PRSS23: variants seen among roughly 807,000 people sequenced by gnomAD.
PRSS23 encodes serine protease 23, also known as protease, serine 23.
A neutral mutation model predicts 34.7 loss-of-function variants in PRSS23; 25 were observed. The observed-to-expected ratio is 0.72, with a 90% CI of 0.53 to 1.01. The LOEUF (loss-of-function observed/expected upper bound fraction) is 1.01. Ranked by LOEUF, PRSS23 falls within the 50% of genes least tolerant of loss-of-function variation. The pLI is 0.00. For missense variants in PRSS23, 445 were observed against 475.6 expected, an observed-to-expected ratio of 0.94 and a Z score of 0.60; for synonymous variants, 176 against 186.6, an observed-to-expected ratio of 0.94 and a Z score of 0.46.
intron 2 of PRSS23, among the ~76,000 whole-genome samples, chr11:86,914,334 T>C (rs374098248): frequency 6.6e-6 from 1 of 152,192 alleles, no homozygotes; most frequent in Non-Finnish European, 1.5e-5. Flanking sequence ...AAAACTCCCA[T>C]TGGATTTGCA....
At chr11:86,885,499 G>A (rs901977889) in intron 2 of PRSS23, among the ~76,000 whole-genome samples, 3 of 152,206 alleles carry the variant, frequency 2.0e-5, no homozygotes, top group Non-Finnish European at 2.9e-5. Context: ...ATTTGAATCA[G>A]TGGACTGTGA....
intron 1 of PRSS23, among the ~76,000 whole-genome samples, chr11:86,794,603 A>G (rs1023555192): frequency 1.3e-5 from 2 of 152,206 alleles, no homozygotes; most frequent in Non-Finnish European, 2.9e-5. Flanking sequence ...ACACCTTCAC[A>G]TATTTACATT....
intron 2 of PRSS23, chr11:86,950,860 G>A (rs1288189092): frequency 1.2e-5 from 6 of 488,902 alleles, no homozygotes; most frequent in Non-Finnish European, 3.7e-6. Flanking sequence ...GGACCTCCAC[G>A]CTCCAAGCTG....
chr11:86,944,858 T>C (rs958406940), intron 2 of PRSS23, among the ~76,000 whole-genome samples: 3 of 152,228 alleles, frequency 2.0e-5, no homozygotes, highest in Non-Finnish European at 4.4e-5. Flanking sequence ...AGAGTAGTAC[T>C]GCAGATCCTT....
At chr11:86,885,752 TC>T (rs1279715568) in intron 2 of PRSS23, among the ~76,000 whole-genome samples, 1 of 152,206 alleles carries the variant, frequency 6.6e-6, no homozygotes, top group African/African-American at 2.4e-5. Context: ...TCTTTCTCTC[TC>T]CCTCTCTCTT....
chr11:86,861,602 TA>T (rs2134934691), intron 2 of PRSS23, among the ~76,000 whole-genome samples: 1 of 151,966 alleles, frequency 6.6e-6, no homozygotes, highest in African/African-American at 2.4e-5. Flanking sequence ...ATATTGTTCG[TA>T]CTATCCGGGA....
intron 2 of PRSS23, among the ~76,000 whole-genome samples, chr11:86,828,544 T>G (rs537988597): frequency 4.0e-4 from 61 of 152,296 alleles, no homozygotes; most frequent in African/African-American, 1.3e-3. Flanking sequence ...ATTATGATGT[T>G]AGCTGGTTAT....
intron 2 of PRSS23, among the ~76,000 whole-genome samples, chr11:86,928,427 G>A (rs1949097409): frequency 6.7e-6 from 1 of 148,618 alleles, no homozygotes; most frequent in African/African-American, 2.5e-5. Context: ...TGTAATCCCA[G>A]CACTTTGGGA....
chr11:86,795,548 G>A (rs918204408), upstream of PRSS23, among the ~76,000 whole-genome samples: 1 of 152,202 alleles, frequency 6.6e-6, no homozygotes, highest in African/African-American at 2.4e-5. Context: ...TTCCCGTAAG[G>A]ATTACTATGT....
chr11:86,901,038 G>T (rs1948908737), intron 2 of PRSS23, among the ~76,000 whole-genome samples: 1 of 151,980 alleles, frequency 6.6e-6, no homozygotes, highest in Non-Finnish European at 1.5e-5. Flanking sequence ...GCCCACCTCA[G>T]CCTCCCAAAG....
chr11:86,879,815 G>GT (rs2134959672), intron 2 of PRSS23, among the ~76,000 whole-genome samples: 2 of 97,120 alleles, frequency 2.1e-5, no homozygotes, highest in Admixed American at 9.9e-5. Context: ...CGTCCGGGAG[G>GT]GAGGTGGGGG....
At chr11:86,929,905 A>G (rs1590932568) in intron 2 of PRSS23, among the ~76,000 whole-genome samples, 1 of 152,180 alleles carries the variant, frequency 6.6e-6, no homozygotes, top group South Asian at 2.1e-4. Flanking sequence ...CAAAACATAA[A>G]AGTGAGTGGA....
intron 2 of PRSS23, among the ~76,000 whole-genome samples, chr11:86,889,549 G>A (rs1050011962): frequency 2.6e-5 from 4 of 152,168 alleles, no homozygotes; most frequent in Non-Finnish European, 2.9e-5. Context: ...GGGACTGAAT[G>A]CACTCCATCA....
chr11:86,939,426 A>ATATATTTTTTTTTTT, intron 2 of PRSS23, among the ~76,000 whole-genome samples: 66 of 94,070 alleles, frequency 7.0e-4, no homozygotes, highest in East Asian at 2.7e-3. Context: ...ATATATATAT[A>ATATATTTTTTTTTTT]TTTTTTAACA....
chr11:86,811,335 A>G (rs1164623099), downstream of PRSS23: 1 of 158,318 alleles, frequency 6.3e-6, no homozygotes, highest in Admixed American at 6.5e-5. Flanking sequence ...TAATGTAGAA[A>G]GAATGATGAG....
chr11:86,791,391 T>TGATC (rs1947951428), intron 1 of PRSS23, among the ~76,000 whole-genome samples: 1 of 152,230 alleles, frequency 6.6e-6, no homozygotes, highest in South Asian at 2.1e-4. Flanking sequence ...AGGAGCCAGG[T>TGATC]GATCCTGTGT....
intron 2 of PRSS23, among the ~76,000 whole-genome samples, chr11:86,861,770 G>A (rs1948617309): frequency 6.6e-6 from 1 of 151,736 alleles, no homozygotes; most frequent in Admixed American, 6.6e-5. Context: ...CCAAGGTGGG[G>A]CAGAGGATAT....
chr11:86,814,296 G>A (rs1590875384), downstream of PRSS23, among the ~76,000 whole-genome samples: 1 of 152,050 alleles, frequency 6.6e-6, no homozygotes, highest in African/African-American at 2.4e-5. Flanking sequence ...GAGAAGAGAA[G>A]AGGGCTGAGG....
intron 2 of PRSS23, among the ~76,000 whole-genome samples, chr11:86,846,594 G>C (rs896967159): frequency 1.3e-5 from 2 of 152,308 alleles, no homozygotes; most frequent in African/African-American, 4.8e-5. Flanking sequence ...AGCCCTGCCA[G>C]AGGCTCCCCC....
Sources: allele counts gnomAD v4.1 joint callset (sites outside exome capture counted in the v4.1 genomes callset), GRCh38; gene constraint gnomAD v4.1.1; transcripts MANE v1.5; gene names NCBI Gene and HGNC (gene_info 2026-07-23, HGNC 2026-07-21).